Variants in KAZN observed in about 807,000 individuals in gnomAD.
KAZN encodes the protein kazrin, periplakin interacting protein.
KAZN carries 40 observed loss-of-function variants against 87.4 expected under a neutral mutation model. The observed-to-expected ratio is 0.46, with a 90% CI of 0.36 to 0.60. The LOEUF is 0.60. Among genes scored for constraint, KAZN ranks in the 20% least tolerant of loss-of-function variants. The pLI is 0.00. For missense variants in KAZN, 898 were observed against 1,073.9 expected, an observed-to-expected ratio of 0.84 and a Z score of 2.29; for synonymous variants, 466 against 458.3, an observed-to-expected ratio of 1.02 and a Z score of -0.22.
intron 1 of KAZN, among the ~76,000 whole-genome samples, chr1:14,090,703 T>A (rs1643957159): frequency 1.3e-5 from 2 of 152,110 alleles, no homozygotes; most frequent in South Asian, 4.1e-4. Flanking sequence ...GGTGGGAAAA[T>A]GAATTATTCC....
At chr1:14,741,475 C>T (rs1644096762) in intron 1 of KAZN, among the ~76,000 whole-genome samples, 1 of 152,208 alleles carries the variant, frequency 6.6e-6, no homozygotes, top group African/African-American at 2.4e-5. Flanking sequence ...TTCTCTTGGG[C>T]CTCCTGGAAG....
chr1:14,570,191 C>A (rs1674780192), intron 2 of KAZN, among the ~76,000 whole-genome samples: 1 of 152,156 alleles, frequency 6.6e-6, no homozygotes, highest in Admixed American at 6.6e-5. Flanking sequence ...AGGTTCATAA[C>A]CCCATTTTGT....
At chr1:14,933,629 T>A (rs1265066106) in intron 1 of KAZN, among the ~76,000 whole-genome samples, 3 of 150,784 alleles carry the variant, frequency 2.0e-5, no homozygotes, top group Admixed American at 6.6e-5. Flanking sequence ...CATTGTGATG[T>A]ACATTTTAAT....
At chr1:15,022,209 C>G (rs1670741560) in intron 2 of KAZN, among the ~76,000 whole-genome samples, 1 of 152,004 alleles carries the variant, frequency 6.6e-6, no homozygotes, top group Admixed American at 6.6e-5. Context: ...CCCATCACTT[C>G]CCTGCCCTGG....
At chr1:14,473,477 A>G (rs2148374413) in intron 2 of KAZN, among the ~76,000 whole-genome samples, 1 of 152,106 alleles carries the variant, frequency 6.6e-6, no homozygotes, top group East Asian at 1.9e-4. Flanking sequence ...AAATACAAAA[A>G]TTAGCTGGGC....
At chr1:14,805,905 G>A (rs1646203181) in intron 1 of KAZN, among the ~76,000 whole-genome samples, 1 of 152,158 alleles carries the variant, frequency 6.6e-6, no homozygotes, top group Non-Finnish European at 1.5e-5. Context: ...CATGCTGGGA[G>A]GCGATTGCAG....
chr1:13,900,624 A>G (rs1414355870), intron 1 of KAZN, among the ~76,000 whole-genome samples: 1 of 152,192 alleles, frequency 6.6e-6, no homozygotes, highest in Non-Finnish European at 1.5e-5. Flanking sequence ...TTATTTCTCC[A>G]GAGACCTATT....
intron 2 of KAZN, among the ~76,000 whole-genome samples, chr1:14,457,817 T>C (rs892042326): frequency 6.7e-6 from 1 of 149,772 alleles, no homozygotes; most frequent in African/African-American, 2.5e-5. Context: ...TTGTTGTTTT[T>C]TGTTTTGTTT....
chr1:14,373,198 AATATAT>A (rs58491688), intron 2 of KAZN, among the ~76,000 whole-genome samples: 5,450 of 149,150 alleles, frequency 0.037, 123 homozygotes, highest in Non-Finnish European at 0.052. Context: ...TGAAAAACTG[AATATAT>A]ATATATATAT....
At chr1:15,025,421 A>G (rs1464306367) in intron 2 of KAZN, among the ~76,000 whole-genome samples, 1 of 152,170 alleles carries the variant, frequency 6.6e-6, no homozygotes, top group Non-Finnish European at 1.5e-5. Flanking sequence ...GCTGACCAGA[A>G]TAGTTCTCAA....
At chr1:14,395,726 G>A (rs573960274) in intron 2 of KAZN, among the ~76,000 whole-genome samples, 144 of 152,134 alleles carry the variant, frequency 9.5e-4, no homozygotes, top group African/African-American at 3.4e-3. Flanking sequence ...GATGCAGCAC[G>A]GACTTGGCGG....
At chr1:14,468,797 C>T (rs543738754) in intron 2 of KAZN, among the ~76,000 whole-genome samples, 4 of 152,254 alleles carry the variant, frequency 2.6e-5, no homozygotes, top group Admixed American at 1.3e-4. Context: ...ATATTTTGCC[C>T]GCCCAGGCAT....
chr1:14,766,832 A>G (rs949505128), intron 1 of KAZN, among the ~76,000 whole-genome samples: 1 of 151,746 alleles, frequency 6.6e-6, no homozygotes, highest in African/African-American at 2.4e-5. Context: ...GGAGGACTCT[A>G]TGAGATGGTA....
chr1:13,998,117 C>T (rs1259430561), intron 1 of KAZN, among the ~76,000 whole-genome samples: 1 of 152,122 alleles, frequency 6.6e-6, no homozygotes, highest in African/African-American at 2.4e-5. Context: ...CATATCCAGC[C>T]AAACTAAGCT....
chr1:14,324,711 C>A (rs115753301), intron 2 of KAZN, among the ~76,000 whole-genome samples: 3 of 152,180 alleles, frequency 2.0e-5, no homozygotes, highest in Non-Finnish European at 4.4e-5. Flanking sequence ...ACTGTTATTA[C>A]TCCCTAATCT....
intron 1 of KAZN, among the ~76,000 whole-genome samples, chr1:14,154,033 T>C (rs1204928847): frequency 2.6e-5 from 4 of 152,198 alleles, no homozygotes; most frequent in African/African-American, 9.7e-5. Context: ...TTTCTACTTA[T>C]GTGAAGAATG....
chr1:15,098,954 G>A (rs1640921507), intron 10 of KAZN, among the ~76,000 whole-genome samples: 1 of 152,218 alleles, frequency 6.6e-6, no homozygotes. Flanking sequence ...GAGGCAGCTG[G>A]CCAGATGCGT....
intron 2 of KAZN, among the ~76,000 whole-genome samples, chr1:14,483,964 T>G (rs1052688842): frequency 6.6e-6 from 1 of 152,240 alleles, no homozygotes; most frequent in Non-Finnish European, 1.5e-5. Context: ...ATGGTCTAAT[T>G]TGATTCTCCC....
intron 2 of KAZN, among the ~76,000 whole-genome samples, chr1:14,233,865 G>A (rs1269217110): frequency 6.6e-6 from 1 of 152,166 alleles, no homozygotes; most frequent in African/African-American, 2.4e-5. Context: ...TCTCACGCCA[G>A]TTAGAATGGT....
Sources: allele counts gnomAD v4.1 joint callset (sites outside exome capture counted in the v4.1 genomes callset), GRCh38; gene constraint gnomAD v4.1.1; transcripts MANE v1.5; gene names NCBI Gene and HGNC (gene_info 2026-07-23, HGNC 2026-07-21).